Variants in ZBTB20 observed in about 807,000 individuals in gnomAD.
ZBTB20 encodes zinc finger and BTB domain containing 20, also known as zinc finger and BTB domain-containing protein 20.
In ZBTB20, 9 loss-of-function variants were observed where a neutral mutation model predicts 56.9. That is an observed-to-expected ratio of 0.16 (90% CI 0.10 to 0.28). The LOEUF (loss-of-function observed/expected upper bound fraction) is 0.28. Among genes scored for constraint, ZBTB20 ranks in the 10% least tolerant of loss-of-function variants. The pLI, the probability that ZBTB20 is intolerant of heterozygous loss-of-function variation, is 1.00. For synonymous variants in ZBTB20, 417 were observed against 420.7 expected, an observed-to-expected ratio of 0.99 and a Z score of 0.11; for missense variants, 655 against 1,003.0, an observed-to-expected ratio of 0.65 and a Z score of 4.69.
chr3:114,631,626 C>T (rs1319811637), intron 6 of ZBTB20, among the ~76,000 whole-genome samples: 4 of 151,884 alleles, frequency 2.6e-5, no homozygotes, highest in Admixed American at 1.3e-4. Flanking sequence ...CTCCTGACCT[C>T]GTGATCCGCC....
Position 114,412,707 on chromosome 3 carries a change from G to T in ZBTB20, c.-254-23602C>A, listed in dbSNP as rs148946089. ...CCCCAACCTCTAACTGCAACCTAGG[G>T]CAGCCAGCCCAACCTAGACTTGATT... On this transcript the variant is annotated intron_variant, in intron 7 of 11. Transcript: ENST00000675478. 4.9e-3 allele frequency among the ~76,000 whole-genome samples: 748 copies of T among 152,216 alleles called. 9 individuals are homozygous for T. Among genetic ancestry groups the T allele is most frequent in the African/African-American group, 0.017 (702 of 41,538 alleles).
At chr3:114,623,097 TAGAA>T (rs2058432700) in intron 6 of ZBTB20, among the ~76,000 whole-genome samples, 1 of 152,066 alleles carries the variant, frequency 6.6e-6, no homozygotes, top group Non-Finnish European at 1.5e-5. Context: ...ATTCTTGAAA[TAGAA>T]AGAAGATGAG....
chr3:115,116,795 A>G (rs1266465464), intron 1 of ZBTB20, among the ~76,000 whole-genome samples: 1 of 152,132 alleles, frequency 6.6e-6, no homozygotes, highest in Non-Finnish European at 1.5e-5. Context: ...AATATTTATT[A>G]GGGCAAATAA....
chr3:114,417,558 G>A (rs1472934876), intron 7 of ZBTB20, among the ~76,000 whole-genome samples: 3 of 152,020 alleles, frequency 2.0e-5, no homozygotes, highest in South Asian at 2.1e-4. Flanking sequence ...CTCAAAGGAC[G>A]TTAATATAAA....
At chr3:114,581,858 T>C (rs1425438069) in intron 6 of ZBTB20, among the ~76,000 whole-genome samples, 6 of 152,182 alleles carry the variant, frequency 3.9e-5, no homozygotes, top group African/African-American at 1.4e-4. Flanking sequence ...GGTTTTACAA[T>C]ACCTAGTAAA....
At chr3:114,755,805 G>A (rs2067969966) in intron 5 of ZBTB20, among the ~76,000 whole-genome samples, 1 of 152,046 alleles carries the variant, frequency 6.6e-6, no homozygotes, top group Admixed American at 6.6e-5. Context: ...TCTTTACAGT[G>A]GGAGTTGCTT....
intron 4 of ZBTB20, among the ~76,000 whole-genome samples, chr3:114,878,119 G>T (rs2076263411): frequency 6.6e-6 from 1 of 151,892 alleles, no homozygotes; most frequent in Admixed American, 6.6e-5. Context: ...ACAATTCAGG[G>T]GTCCAAGTTC....
rs1438306784 is a variant in ZBTB20, at chr3:114,316,210, G to T, written c.*22795C>A. 3.2e-6 allele frequency: 1 copy of T among 309,100 alleles called. No individual in the cohort carries two copies. The highest frequency in any genetic ancestry group is 1.3e-4 in the East Asian group (1 of 7,984). The allele number at this position is 309,100 out of a possible 1,614,324, so 19.1% of individuals were successfully genotyped here. On this transcript the variant is annotated 3_prime_UTR_variant, in exon 12 of 12. Transcript: ENST00000675478. ...ATGAAATGGTATATAGAACATTACT[G>T]CATTCGCATCGGATCAAGATGGTTT...
intron 5 of ZBTB20, among the ~76,000 whole-genome samples, chr3:114,746,019 C>T (rs1011080617): frequency 6.6e-6 from 1 of 152,162 alleles, no homozygotes; most frequent in African/African-American, 2.4e-5. Flanking sequence ...GGCGTAAAAG[C>T]ATCTCCCTGC....
At chr3:114,424,878 G>A (rs968994292) in intron 7 of ZBTB20, among the ~76,000 whole-genome samples, 1 of 152,054 alleles carries the variant, frequency 6.6e-6, no homozygotes, top group Non-Finnish European at 1.5e-5. Context: ...AAAGCAAACC[G>A]GCCTCTCAGT....
intron 6 of ZBTB20, among the ~76,000 whole-genome samples, chr3:114,619,573 C>A (rs2058175736): frequency 6.6e-6 from 1 of 151,854 alleles, no homozygotes; most frequent in African/African-American, 2.4e-5. Context: ...CTTGTCAGCA[C>A]AATACCATCT....
At chr3:114,751,686 A>G (rs2067567255) in intron 5 of ZBTB20, among the ~76,000 whole-genome samples, 2 of 152,172 alleles carry the variant, frequency 1.3e-5, no homozygotes, top group South Asian at 2.1e-4. Flanking sequence ...TTTTAATAAA[A>G]CAAACCAAGT....
chr3:114,660,911 TGA>T (rs1202581559), intron 6 of ZBTB20, among the ~76,000 whole-genome samples: 1 of 151,994 alleles, frequency 6.6e-6, no homozygotes, highest in Non-Finnish European at 1.5e-5. Flanking sequence ...AGACAGCAAG[TGA>T]GAGAGAGAAG....
At chr3:114,565,380 G>A (rs533531946) in intron 6 of ZBTB20, among the ~76,000 whole-genome samples, 2 of 152,118 alleles carry the variant, frequency 1.3e-5, no homozygotes, top group African/African-American at 2.4e-5. Context: ...TTCTCCTTCC[G>A]TCTGGGCGTC....
chr3:115,135,771 C>A (rs2107327203), intron 1 of ZBTB20, among the ~76,000 whole-genome samples: 1 of 152,180 alleles, frequency 6.6e-6, no homozygotes, highest in Admixed American at 6.5e-5. Flanking sequence ...TCTAGAAGAG[C>A]TAAGTAATTA....
At chr3:114,851,714 ATTTG>A (rs994197180) in intron 4 of ZBTB20, among the ~76,000 whole-genome samples, 25 of 151,584 alleles carry the variant, frequency 1.6e-4, no homozygotes, top group Non-Finnish European at 3.5e-4. Flanking sequence ...TACTTTGCAG[ATTTG>A]TTTTTTGTTC....
Position 114,331,139 on chromosome 3 carries a change from A to ATGTG in ZBTB20, c.*7865_*7866insCACA, listed in dbSNP as rs1560074640. ...TGTGTGTGTGTGTGTGTGTGTGTGC[A>ATGTG]CACTGCATTGCATAGAGGAAAGGAA... On this transcript the variant is annotated 3_prime_UTR_variant, in exon 12 of 12. Transcript: ENST00000675478. 14 of 93,404 alleles carry ATGTG rather than the reference A, an allele frequency of 1.5e-4. No individual in the cohort carries two copies. The highest frequency in any genetic ancestry group is 6.8e-4 in the South Asian group (2 of 2,940). 5.8% of individuals were successfully genotyped at this position (93,404 alleles called of 1,614,324 possible). A position where few individuals can be genotyped will look rare whatever the true frequency, so the allele number is the denominator to read the frequency against.
intron 2 of ZBTB20, among the ~76,000 whole-genome samples, chr3:114,979,403 A>C (rs1226340981): frequency 6.6e-6 from 1 of 152,008 alleles, no homozygotes; most frequent in African/African-American, 2.4e-5. Flanking sequence ...AGTAGCTATA[A>C]AATCATGCTG....
chr3:114,876,520 G>A (rs1159914941), intron 4 of ZBTB20: 1 of 152,044 alleles, frequency 6.6e-6, no homozygotes, highest in African/African-American at 2.4e-5. Context: ...AAGTCCTGTT[G>A]CATGCTTTGC....
Sources: gnomAD v4.1 joint callset for allele counts (sites outside exome capture counted in the v4.1 genomes callset) on GRCh38, gnomAD v4.1.1 for gene constraint, MANE v1.5 for transcripts, NCBI Gene and HGNC (gene_info 2026-07-23, HGNC 2026-07-21) for gene names.